Variants in TTC7B observed in about 807,000 individuals in gnomAD.
TTC7B encodes tetratricopeptide repeat domain 7B.
In TTC7B, 28 loss-of-function variants were observed where a neutral mutation model predicts 106.8. The ratio of observed to expected loss-of-function variants is 0.26; its 90% CI spans 0.19 to 0.36. The LOEUF (loss-of-function observed/expected upper bound fraction) is 0.36. Among genes scored for constraint, TTC7B ranks in the 10% least tolerant of loss-of-function variants. The probability of loss-of-function intolerance (pLI) is 1.00; values close to 1 mark genes in which losing one functional copy is unlikely to be tolerated. For missense variants in TTC7B, 862 were observed against 1,076.4 expected (o/e 0.80, Z 2.79); for synonymous variants, 405 against 430.6 (o/e 0.94, Z 0.74).
rs138099673 is a variant in TTC7B, at chr14:90,655,077, C to T, written c.1375G>A (p.Val459Ile). ...EEAEKFAKTV[V>I]DVGEKTSEFK... ...TCTGACGTTTTCTCTCCCACATCAA[C>T]GACAGTTTTGGCAAACTTTTCAGCC... The change falls in exon 12 of 20, where the codon GTT becomes ATT. Residue 459 changes from valine to isoleucine, a missense_variant. Val to Ile is a conservative substitution (Grantham distance 29). Transcript: ENST00000328459. The T allele has an allele frequency of 1.1e-5, 17 of 1,614,046 alleles. No individual in the cohort carries two copies. The highest frequency in any genetic ancestry group is 8.0e-5 in the African/African-American group (6 of 74,924).
chr14:90,637,176 A>T (rs1007718442), intron 15 of TTC7B, among the ~76,000 whole-genome samples: 1 of 152,094 alleles, frequency 6.6e-6, no homozygotes, highest in Non-Finnish European at 1.5e-5. Flanking sequence ...GCATTAAACA[A>T]TATTAGAATT....
intron 9 of TTC7B, among the ~76,000 whole-genome samples, chr14:90,670,940 C>G (rs1011827938): frequency 6.6e-6 from 1 of 152,128 alleles, no homozygotes; most frequent in African/African-American, 2.4e-5. Context: ...ACCTCTAAAA[C>G]CAAAGGAAAG....
chr14:90,713,253 C>T (rs547976863), intron 5 of TTC7B, among the ~76,000 whole-genome samples: 1 of 152,206 alleles, frequency 6.6e-6, no homozygotes, highest in African/African-American at 2.4e-5. Flanking sequence ...GTAGCTGAGA[C>T]TACAAGTGCA....
intron 15 of TTC7B, among the ~76,000 whole-genome samples, chr14:90,638,327 A>G (rs908003730): frequency 2.6e-5 from 4 of 152,240 alleles, no homozygotes; most frequent in Non-Finnish European, 4.4e-5. Context: ...AAAAGTCATT[A>G]TGTATGTAGA....
At chr14:90,734,546 A>C (rs939456251) in intron 4 of TTC7B, among the ~76,000 whole-genome samples, 2 of 152,066 alleles carry the variant, frequency 1.3e-5, no homozygotes, top group African/African-American at 4.8e-5. Flanking sequence ...TCTATAGAAG[A>C]CTTCAGTATT....
intron 3 of TTC7B, among the ~76,000 whole-genome samples, chr14:90,774,714 G>A (rs1442489533): frequency 1.3e-5 from 2 of 152,182 alleles, no homozygotes; most frequent in East Asian, 3.8e-4. Flanking sequence ...CGCACTCCAG[G>A]CCTCTGATCT....
At chr14:90,611,130 T>C (rs974112958) in intron 16 of TTC7B, among the ~76,000 whole-genome samples, 3 of 152,140 alleles carry the variant, frequency 2.0e-5, no homozygotes, top group Non-Finnish European at 4.4e-5. Flanking sequence ...GAAGCTTCAT[T>C]TTCCATCCAC....
chr14:90,542,314 T>G (rs985597899), intron 19 of TTC7B, among the ~76,000 whole-genome samples: 3 of 152,140 alleles, frequency 2.0e-5, no homozygotes, highest in Non-Finnish European at 4.4e-5. Context: ...AGTTTTTACA[T>G]TGCTCACAGC....
chr14:90,679,914 C>T (rs958752977), intron 8 of TTC7B, among the ~76,000 whole-genome samples: 2 of 152,214 alleles, frequency 1.3e-5, no homozygotes, highest in Non-Finnish European at 2.9e-5. Flanking sequence ...ATAGCAGTGA[C>T]AAGTGAGCTC....
intron 4 of TTC7B, among the ~76,000 whole-genome samples, chr14:90,734,331 A>C: frequency 6.6e-6 from 1 of 151,806 alleles, no homozygotes; most frequent in East Asian, 1.9e-4. Context: ...GAGGCATGAG[A>C]ATTGCTTGAA....
intron 15 of TTC7B, among the ~76,000 whole-genome samples, chr14:90,641,076 C>T (rs78252443): frequency 0.086 from 13,085 of 152,222 alleles, 658 homozygotes; most frequent in East Asian, 0.16. Flanking sequence ...CAAATCCCTA[C>T]GGTTAGAAAC....
chr14:90,717,061 C>T (rs781037286), intron 5 of TTC7B, among the ~76,000 whole-genome samples: 1 of 152,144 alleles, frequency 6.6e-6, no homozygotes, highest in Non-Finnish European at 1.5e-5. Context: ...ATAATCCAGC[C>T]AGGCGTGGTG....
rs1394675764 is a variant in TTC7B, at chr14:90,525,071, C to T, written c.*16297G>A. 6.6e-6 allele frequency: 1 copy of T among 152,190 alleles called. No individual in the cohort carries two copies. Among genetic ancestry groups the T allele is most frequent in the Non-Finnish European group, 1.5e-5 (1 of 68,044 alleles). The allele number at this position is 152,190 out of a possible 1,614,324, so 9.4% of individuals were successfully genotyped here. On this transcript the variant is annotated 3_prime_UTR_variant, in exon 20 of 20. Transcript: ENST00000328459. ...ATCACCCTCAAAATGTCTTTATCATCTTTGAAACCCCTCCCTCTGGCCCCC... is the reference window on the plus strand; with the variant it reads ...ATCACCCTCAAAATGTCTTTATCATTTTTGAAACCCCTCCCTCTGGCCCCC...
chr14:90,767,095 T>C (rs889948136), intron 3 of TTC7B: 1 of 621,382 alleles, frequency 1.6e-6, no homozygotes, highest in Non-Finnish European at 2.8e-6. Flanking sequence ...AGCTCACACC[T>C]GTAACTGCAG....
At chr14:90,711,332 G>T (rs2139967484) in intron 5 of TTC7B, among the ~76,000 whole-genome samples, 1 of 152,210 alleles carries the variant, frequency 6.6e-6, no homozygotes, top group East Asian at 1.9e-4. Context: ...AGCTATATTG[G>T]AGCAAAGTTG....
intron 19 of TTC7B, among the ~76,000 whole-genome samples, chr14:90,541,883 C>T (rs929302417): frequency 4.6e-5 from 7 of 152,318 alleles, no homozygotes; most frequent in South Asian, 2.1e-4. Context: ...ATTGGAAGTC[C>T]GCAGTCTGCA....
chr14:90,789,789 G>C (rs1007166769), intron 1 of TTC7B, among the ~76,000 whole-genome samples: 1 of 151,766 alleles, frequency 6.6e-6, no homozygotes. Context: ...CCAGCTAGTC[G>C]GGAGGCTGAG....
At chr14:90,704,764 G>A (rs917562392) in intron 5 of TTC7B, among the ~76,000 whole-genome samples, 1 of 152,186 alleles carries the variant, frequency 6.6e-6, no homozygotes, top group Non-Finnish European at 1.5e-5. Context: ...TGGTGTCGGG[G>A]AAAAAGACTA....
chr14:90,565,638 G>C (rs1015999074), intron 19 of TTC7B, among the ~76,000 whole-genome samples: 43 of 152,044 alleles, frequency 2.8e-4, no homozygotes, highest in African/African-American at 1.0e-3. Flanking sequence ...CTGACCCCGT[G>C]ATCTGCCCGC....
Sources: gnomAD v4.1 joint callset for allele counts (sites outside exome capture counted in the v4.1 genomes callset) on GRCh38, gnomAD v4.1.1 for gene constraint, MANE v1.5 for transcripts, NCBI Gene and HGNC (gene_info 2026-07-23, HGNC 2026-07-21) for gene names.